The following RANBP3 variants were observed in gnomAD, a reference collection of about 807,000 sequenced individuals.
The protein encoded by RANBP3 is RAN binding protein 3.
A neutral mutation model predicts 77.3 loss-of-function variants in RANBP3; 14 were observed. The ratio of observed to expected loss-of-function variants is 0.18; its 90% confidence interval spans 0.12 to 0.28. The LOEUF (loss-of-function observed/expected upper bound fraction) is 0.28. RANBP3 is among the 10% of genes least tolerant of loss of function. RANBP3 has a pLI of 1.00. For missense variants in RANBP3, 586 were observed against 752.3 expected, an observed-to-expected ratio of 0.78 and a Z score of 2.59; for synonymous variants, 315 against 312.4, an observed-to-expected ratio of 1.01 and a Z score of -0.09.
At chr19:5,943,441 T>C (rs2058165186) in intron 3 of RANBP3, among the ~76,000 whole-genome samples, 1 of 152,228 alleles carries the variant, frequency 6.6e-6, no homozygotes, top group Non-Finnish European at 1.5e-5. Flanking sequence ...TGGGCCACAT[T>C]TGGTCTCTGT....
intron 3 of RANBP3, among the ~76,000 whole-genome samples, chr19:5,947,887 T>C (rs2058227315): frequency 1.3e-5 from 2 of 152,156 alleles, no homozygotes; most frequent in Non-Finnish European, 2.9e-5. Flanking sequence ...GGAATGGGAA[T>C]GCAGGGGTGG....
intron 1 of RANBP3, among the ~76,000 whole-genome samples, chr19:5,964,733 C>T (rs2058443146): frequency 6.6e-6 from 1 of 151,886 alleles, no homozygotes; most frequent in African/African-American, 2.4e-5. Context: ...CTGGAGGAAC[C>T]AGGTCAGGGT....
At chr19:5,920,208 G>A (rs377399405) in intron 14 of RANBP3, among the ~76,000 whole-genome samples, 2 of 152,130 alleles carry the variant, frequency 1.3e-5, no homozygotes, top group East Asian at 1.9e-4. Flanking sequence ...ACCAGCCTGG[G>A]CAACACAGGG....
intron 6 of RANBP3, chr19:5,933,201 C>T (rs930996631): frequency 5.9e-6 from 3 of 505,352 alleles, no homozygotes; most frequent in Non-Finnish European, 1.1e-5. Context: ...CCACCACTGC[C>T]CACTTTTCTG....
At chr19:5,928,117 T>C (rs781658650) in intron 8 of RANBP3, 30 bp from the exon 9 acceptor site, 34 of 1,599,488 alleles carry the variant, frequency 2.1e-5, no homozygotes, top group African/African-American at 2.7e-5. Flanking sequence ...AACAGAGTAA[T>C]CAAAACCAGT....
chr19:5,972,375 G>A lies in RANBP3; in HGVS notation c.22+5686C>T, dbSNP rs567588591. Among the ~76,000 whole-genome samples the A allele has an allele frequency of 1.1e-4, 17 of 152,358 alleles. No individual in the cohort carries two copies. In the East Asian group the frequency reaches 3.3e-3, roughly 29 times the overall value. ...GGAAGCAAACTGTGGACATGTGGAA[G>A]GTGGTGGTGAGGAGCTTTACCCTGA... On this transcript the variant is annotated intron_variant, in intron 1 of 16. Coordinates refer to ENST00000340578, the MANE Select transcript of RANBP3 (RefSeq NM_007322.3).
At position 5,923,287 on chromosome 19, in the gene RANBP3, C is replaced by T. The variant is rs557531696; in HGVS notation, c.1116G>A (p.Ser372=). 34 of 1,614,180 alleles carry T rather than the reference C, an allele frequency of 2.1e-5. No individual in the cohort carries two copies. The highest frequency in any genetic ancestry group is 1.8e-4 in the East Asian group (8 of 44,886). ...CTGTTGCCTTGGTGTAGGCGGCTGC[C>T]GACTCAGCCAGGGACTCTGAAAAGT... The part of the protein sequence containing the change: ...ATPEKESLAE[S]AAAYTKATAR... The change falls in exon 13 of 17, where the codon TCG becomes TCA. Residue 372 remains serine (S), a synonymous_variant. Coordinates refer to ENST00000340578, the MANE Select transcript of RANBP3 (RefSeq NM_007322.3).
chr19:5,970,074 G>A (rs1252429425), intron 1 of RANBP3, among the ~76,000 whole-genome samples: 1 of 152,140 alleles, frequency 6.6e-6, no homozygotes, highest in Non-Finnish European at 1.5e-5. Context: ...ATGTTTGTGG[G>A]GGTGTGGAGG....
At chr19:5,925,913 C>T (rs1025845952) in intron 9 of RANBP3, 176 bp from the exon 10 acceptor site, 1 of 604,286 alleles carries the variant, frequency 1.7e-6, no homozygotes, top group Non-Finnish European at 3.0e-6. Flanking sequence ...ATAATCAACT[C>T]CATCACCTTT....
chr19:5,934,699 TG>T (rs768713256), intron 5 of RANBP3, among the ~76,000 whole-genome samples: 12 of 152,012 alleles, frequency 7.9e-5, no homozygotes, highest in Non-Finnish European at 1.0e-4. Flanking sequence ...CCAGGCATGG[TG>T]GTACATGCCT....
At chr19:5,951,250 G>T in intron 3 of RANBP3, 143 bp downstream of exon 3, 1 of 828,276 alleles carries the variant, frequency 1.2e-6, no homozygotes, top group Non-Finnish European at 2.0e-6. Flanking sequence ...AAGCGAGCTG[G>T]AAGAAATCCT....
intron 9 of RANBP3, among the ~76,000 whole-genome samples, chr19:5,926,117 T>G (rs1223815109): frequency 6.6e-6 from 1 of 152,138 alleles, no homozygotes; most frequent in African/African-American, 2.4e-5. Flanking sequence ...CAGAATTTCT[T>G]GAGGGCCTCT....
At chr19:5,954,493 G>A (rs1283157563) in intron 2 of RANBP3, among the ~76,000 whole-genome samples, 1 of 152,122 alleles carries the variant, frequency 6.6e-6, no homozygotes, top group East Asian at 1.9e-4. Flanking sequence ...AATGTCACAT[G>A]GGCTTAACTT....
Position 5,921,332 on chromosome 19 carries a change from G to A in RANBP3, c.1210-11C>T, listed in dbSNP as rs1293468366. The A allele has an allele frequency of 1.2e-6, 2 of 1,612,788 alleles. No individual in the cohort carries two copies. The highest frequency in any genetic ancestry group is 2.2e-5 in the South Asian group (2 of 91,006). On this transcript the variant is annotated splice_polypyrimidine_tract_variant and intron_variant, in intron 13 of 16. Coordinates refer to ENST00000340578, the MANE Select transcript of RANBP3 (RefSeq NM_007322.3). This position sits in a 1 kb window ranked among gnomAD's most constrained non-coding sequence, Gnocchi z 5.3. ...CAGCTTGCACTGCATCTGGAACACA[G>A]TGGCCGCCGGTAAGCAGGGACCCCA...
In RANBP3 at chr19:5,917,503, T is replaced by G; in HGVS notation, c.*107A>C. 1 of 1,284,428 alleles carries G rather than the reference T, an allele frequency of 7.8e-7. No individual in the cohort carries two copies. Among genetic ancestry groups the G allele is most frequent in the Non-Finnish European group, 1.1e-6 (1 of 947,320 alleles). 79.6% of individuals were successfully genotyped at this position (1,284,428 alleles called of 1,614,324 possible). On this transcript the variant is annotated 3_prime_UTR_variant, in exon 17 of 17. Transcript: ENST00000340578. ...AGACTGTGGCCGGCCCAGTGGGGTGTGTGGTTCCCGGCCCCGCACCTGGAC... is the reference window on the plus strand; with the variant it reads ...AGACTGTGGCCGGCCCAGTGGGGTGGGTGGTTCCCGGCCCCGCACCTGGAC...
chr19:5,954,797 C>T (rs1257399233), intron 2 of RANBP3, among the ~76,000 whole-genome samples: 1 of 152,164 alleles, frequency 6.6e-6, no homozygotes, highest in African/African-American at 2.4e-5. Flanking sequence ...GCAGCTGCTC[C>T]CTGCAGGCCC....
chr19:5,960,312 G>C (rs1407292107), intron 1 of RANBP3, among the ~76,000 whole-genome samples: 2 of 152,172 alleles, frequency 1.3e-5, no homozygotes, highest in Admixed American at 6.5e-5. Flanking sequence ...TCTGGCCTGA[G>C]AGAGGCGCGG....
intron 3 of RANBP3, among the ~76,000 whole-genome samples, chr19:5,946,225 A>G (rs1250030940): frequency 6.6e-6 from 1 of 152,192 alleles, no homozygotes; most frequent in East Asian, 1.9e-4. Flanking sequence ...ATGATCTCAG[A>G]GGTGTCTCCT....
At chr19:5,922,657 G>C (rs372062336) in intron 13 of RANBP3, among the ~76,000 whole-genome samples, 1 of 152,172 alleles carries the variant, frequency 6.6e-6, no homozygotes, top group African/African-American at 2.4e-5. Flanking sequence ...AAAATGTCTC[G>C]GGCTGGGCGT....
Sources: gnomAD v4.1 joint callset for allele counts (sites outside exome capture counted in the v4.1 genomes callset) on GRCh38, gnomAD v4.1.1 for gene constraint, Gnocchi (gnomAD v3.1) non-coding constraint, MANE v1.5 for transcripts, NCBI Gene and HGNC (gene_info 2026-07-23, HGNC 2026-07-21) for gene names.